Variants in OCA2 observed in about 807,000 individuals in gnomAD.
OCA2 encodes the protein OCA2 melanosomal transmembrane protein.
OCA2 carries 77 observed loss-of-function variants against 100.2 expected under a neutral mutation model. The observed-to-expected ratio is 0.77, with a 90% confidence interval of 0.64 to 0.93. The LOEUF (loss-of-function observed/expected upper bound fraction) is 0.93, where lower values mean the gene tolerates loss of function less well. Among genes scored for constraint, OCA2 ranks in the 40% least tolerant of loss-of-function variants. The pLI, the probability that OCA2 is intolerant of heterozygous loss-of-function variation, is 0.00. For missense variants in OCA2, 1,062 were observed against 1,089.1 expected, an observed-to-expected ratio of 0.98 and a Z score of 0.35; for synonymous variants, 432 against 439.2, an observed-to-expected ratio of 0.98 and a Z score of 0.21.
At chr15:27,925,000 C>A (rs768596658) in intron 19 of OCA2, among the ~76,000 whole-genome samples, 5 of 152,026 alleles carry the variant, frequency 3.3e-5, no homozygotes, top group Admixed American at 6.6e-5. Context: ...GAAAAAGAGA[C>A]ATTTAGTAAT....
chr15:27,929,446 G>C (rs1435239224), intron 18 of OCA2, among the ~76,000 whole-genome samples: 1 of 152,056 alleles, frequency 6.6e-6, no homozygotes, highest in Non-Finnish European at 1.5e-5. Flanking sequence ...ACATGCAAAA[G>C]AACTTTTACT....
At chr15:28,094,836 G>A (rs2044941303) in intron 1 of OCA2, among the ~76,000 whole-genome samples, 1 of 152,192 alleles carries the variant, frequency 6.6e-6, no homozygotes, top group Admixed American at 6.5e-5. Context: ...GCCTGCCCGA[G>A]CCCCGCCTCC....
chr15:28,030,386 A>G (rs1315878298), intron 3 of OCA2, among the ~76,000 whole-genome samples: 1 of 152,212 alleles, frequency 6.6e-6, no homozygotes, highest in East Asian at 1.9e-4. Context: ...GGTGGGGCAG[A>G]GACAACTAAG....
Position 27,955,199 on chromosome 15 carries a change from C to A in OCA2, c.1801G>T (p.Asp601Tyr). 1 of 1,612,046 alleles carries A rather than the reference C, an allele frequency of 6.2e-7. No individual in the cohort carries two copies. The highest frequency in any genetic ancestry group is 1.3e-5 in the African/African-American group (1 of 74,978). The change falls in exon 17 of 24, where the codon GAC (aspartate) becomes TAC (tyrosine). Residue 601 changes from aspartate to tyrosine, a missense_variant. Asp to Tyr is a radical substitution (Grantham distance 160). Transcript: ENST00000354638. Reference sequence around the variant, plus strand: ...TGGATATTGGTCTCCCAATTTTTGTCCTCCTGTGAGATCTGTCTAAAAGAG... The same window carrying A: ...TGGATATTGGTCTCCCAATTTTTGTACTCCTGTGAGATCTGTCTAAAAGAG... ...HTFHRQISQEDKNWETNIQEL... is the reference protein window; with the variant it reads ...HTFHRQISQEYKNWETNIQEL...
chr15:27,972,935 G>A (rs1043478088), intron 14 of OCA2, among the ~76,000 whole-genome samples: 18 of 149,906 alleles, frequency 1.2e-4, no homozygotes, highest in African/African-American at 3.7e-4. Flanking sequence ...GTGCAATCTC[G>A]GCTCACTGCA....
chr15:27,729,957 C>T, the OCA2 span, among the ~76,000 whole-genome samples: 1 of 152,174 alleles, frequency 6.6e-6, no homozygotes, highest in African/African-American at 2.4e-5. Flanking sequence ...TTTTCCAACA[C>T]CAACAAATTA....
chr15:28,015,944 C>T (rs963807509), intron 8 of OCA2, among the ~76,000 whole-genome samples, 160 bp downstream of exon 8: 48 of 152,226 alleles, frequency 3.2e-4, no homozygotes, highest in African/African-American at 1.2e-3. Context: ...TGTCCTCCCA[C>T]AGCCTTTGAG....
chr15:27,724,313 G>A, the OCA2 span, among the ~76,000 whole-genome samples: 1 of 152,090 alleles, frequency 6.6e-6, no homozygotes, highest in East Asian at 1.9e-4. Flanking sequence ...TTAGCCCCGG[G>A]CCTCTCCCTT....
chr15:27,936,507 C>A (rs994119719), intron 18 of OCA2, among the ~76,000 whole-genome samples: 7 of 152,150 alleles, frequency 4.6e-5, no homozygotes, highest in African/African-American at 1.4e-4. Context: ...TTATAATCTT[C>A]GTGTCTTCCT....
intron 18 of OCA2, 101 bp downstream of exon 18, chr15:27,951,683 C>T (rs2040032572): frequency 2.3e-6 from 2 of 867,268 alleles, no homozygotes; most frequent in Non-Finnish European, 1.9e-6. Context: ...CTTCCACCAG[C>T]CCGGCTGCCT....
chr15:27,880,713 C>G (rs2036980521), intron 19 of OCA2, among the ~76,000 whole-genome samples: 1 of 152,086 alleles, frequency 6.6e-6, no homozygotes, highest in Non-Finnish European at 1.5e-5. Context: ...GTTTTTGTAT[C>G]CTGAGACTTT....
chr15:27,978,722 G>A (rs910388052), intron 14 of OCA2, among the ~76,000 whole-genome samples: 4 of 150,808 alleles, frequency 2.7e-5, no homozygotes, highest in African/African-American at 9.7e-5. Context: ...AGTTTCACTC[G>A]TCACCCAGGC....
the OCA2 span, among the ~76,000 whole-genome samples, chr15:27,738,048 T>A: frequency 6.6e-6 from 1 of 152,166 alleles, no homozygotes; most frequent in Non-Finnish European, 1.5e-5. Context: ...GCACATGGAA[T>A]CTAATATTCT....
intron 23 of OCA2, among the ~76,000 whole-genome samples, chr15:27,781,235 T>C (rs1035350148): frequency 1.3e-5 from 2 of 152,202 alleles, no homozygotes; most frequent in African/African-American, 4.8e-5. Flanking sequence ...CTATCTCTTC[T>C]TGGGTGTTGG....
intron 23 of OCA2, among the ~76,000 whole-genome samples, chr15:27,770,515 G>GGCC (rs2031646209): frequency 6.6e-6 from 1 of 151,600 alleles, no homozygotes; most frequent in Non-Finnish European, 1.5e-5. Flanking sequence ...CCTCCCCGCA[G>GGCC]GCCGCCGGGC....
At chr15:27,765,899 C>T (rs2031220956) in intron 23 of OCA2, among the ~76,000 whole-genome samples, 1 of 152,204 alleles carries the variant, frequency 6.6e-6, no homozygotes, top group Admixed American at 6.5e-5. Flanking sequence ...CCTGTTTTAT[C>T]AGCAAGGTCT....
intron 23 of OCA2, among the ~76,000 whole-genome samples, chr15:27,779,326 C>G (rs760478408): frequency 6.6e-6 from 1 of 152,158 alleles, no homozygotes; most frequent in Non-Finnish European, 1.5e-5. Context: ...GGATTTTCTG[C>G]CTGGATGTTC....
At chr15:27,876,327 G>C (rs1464887596) in intron 19 of OCA2, among the ~76,000 whole-genome samples, 2 of 151,932 alleles carry the variant, frequency 1.3e-5, no homozygotes, top group Non-Finnish European at 2.9e-5. Context: ...TGGTTATGCT[G>C]TACTATTTTA....
At chr15:27,859,021 A>C in intron 21 of OCA2, among the ~76,000 whole-genome samples, 1 of 152,124 alleles carries the variant, frequency 6.6e-6, no homozygotes, top group East Asian at 1.9e-4. Flanking sequence ...AATTCAATGA[A>C]AGCAGTGCTA....
Sources: allele counts gnomAD v4.1 joint callset (sites outside exome capture counted in the v4.1 genomes callset), GRCh38; gene constraint gnomAD v4.1.1; transcripts MANE v1.5; gene names NCBI Gene and HGNC (gene_info 2026-07-23, HGNC 2026-07-21).